KIF15: variants seen among roughly 807,000 people sequenced by gnomAD.
KIF15 encodes kinesin family member 15.
Under a neutral mutation model 190.6 loss-of-function variants are expected in KIF15, and 140 were observed. The observed-to-expected ratio is 0.73, with a 90% confidence interval of 0.64 to 0.84. The LOEUF (loss-of-function observed/expected upper bound fraction) is 0.84. Among genes scored for constraint, KIF15 ranks in the 40% least tolerant of loss-of-function variants. The pLI, the probability that KIF15 is intolerant of heterozygous loss-of-function variation, is 0.00. For missense variants in KIF15, 1,372 were observed against 1,584.4 expected (o/e 0.87, Z 2.28); for synonymous variants, 528 against 551.3 (o/e 0.96, Z 0.59).
At chr3:44,806,027 A>T in intron 16 of KIF15, 41 bp downstream of exon 16, 2 of 1,588,574 alleles carry the variant, frequency 1.3e-6, no homozygotes, top group Non-Finnish European at 1.7e-6. Context: ...AATCAGTGCA[A>T]TGTCATTTTA....
chr3:44,805,180 A>C lies in KIF15; in HGVS notation c.1829+12A>C. ...AAAGAACTTACTAGGTAAAGTCTAAATACACATGCATGCACACTTATTTTC... is the reference window on the plus strand; with the variant it reads ...AAAGAACTTACTAGGTAAAGTCTAACTACACATGCATGCACACTTATTTTC... On this transcript the variant is annotated intron_variant, in intron 15 of 34. Transcript: ENST00000326047. 9.3e-6 allele frequency: 15 copies of C among 1,604,552 alleles called. No individual in the cohort carries two copies. The highest frequency in any genetic ancestry group is 1.3e-5 in the Non-Finnish European group (15 of 1,175,942).
At chr3:44,866,258 G>C (rs982838385) in intron 6 of KIF15, among the ~76,000 whole-genome samples, 1 of 151,876 alleles carries the variant, frequency 6.6e-6, no homozygotes, top group African/African-American at 2.4e-5. Context: ...ATTTTTAGTA[G>C]AGATGGGGTT....
At position 44,780,923 on chromosome 3, in the gene KIF15, G is replaced by A; in HGVS notation, c.361+1G>A. ...TCAGGGAAGACATTTACTATGATGGGTAAGTAAAGATTAACTTTTGTTGGC... is the reference window on the plus strand; with the variant it reads ...TCAGGGAAGACATTTACTATGATGGATAAGTAAAGATTAACTTTTGTTGGC... On this transcript the variant is annotated splice_donor_variant, in intron 5 of 34. Transcript: ENST00000326047. LOFTEE classifies it high-confidence loss of function. The A allele has an allele frequency of 1.9e-6, 3 of 1,596,338 alleles. No homozygotes were observed. Among genetic ancestry groups the A allele is most frequent in the Non-Finnish European group, 2.6e-6 (3 of 1,166,936 alleles).
chr3:44,862,964 G>A (rs1222186776), intron 6 of KIF15: 1 of 152,218 alleles, frequency 6.6e-6, no homozygotes, highest in Middle Eastern at 3.4e-3. Context: ...GAAGTTTGTT[G>A]TCAGGAACTA....
Position 44,812,192 on chromosome 3 carries a change from G to T in KIF15, c.2180G>T (p.Ser727Ile), listed in dbSNP as rs1273546091. Reference sequence around the variant, plus strand: ...GTTTTTGTGTTGCAGGAACAAATGAGTGCTCTTCAAGCCAAACTGGATGAA... The same window carrying T: ...GTTTTTGTGTTGCAGGAACAAATGATTGCTCTTCAAGCCAAACTGGATGAA... ...EELRTVQEQM[S>I]ALQAKLDEEE... The change falls in exon 18 of 35, where the codon AGT (serine) becomes ATT (isoleucine). Residue 727 changes from serine to isoleucine, a missense_variant. Transcript: ENST00000326047. The T allele has an allele frequency of 3.1e-6, 5 of 1,611,684 alleles. No individual in the cohort carries two copies. The East Asian group carries it at 1.1e-4, about 36-fold the overall frequency.
At chr3:44,766,405 C>G (rs1705376440) in intron 1 of KIF15, among the ~76,000 whole-genome samples, 1 of 152,122 alleles carries the variant, frequency 6.6e-6, no homozygotes, top group African/African-American at 2.4e-5. Flanking sequence ...TGAGTTGGGG[C>G]AAGGGTGATC....
Position 44,780,867 on chromosome 3 carries a change from G to A in KIF15, c.324-18G>A, listed in dbSNP as rs750128742. On this transcript the variant is annotated intron_variant, in intron 4 of 34. Coordinates refer to ENST00000326047, the MANE Select transcript of KIF15 (RefSeq NM_020242.3). The stretch of plus-strand genomic sequence containing the variant: ...TTAATTTTATGTGTAAAAATAATAT[G>A]TAAAACATTTTTTACAGTGGACAGA... 6.5e-7 allele frequency: 1 copy of A among 1,546,952 alleles called. No homozygotes were observed. Among genetic ancestry groups the A allele is most frequent in the South Asian group, 1.2e-5 (1 of 85,382 alleles).
At chr3:44,788,062 A>C (rs1048909261) in intron 7 of KIF15, among the ~76,000 whole-genome samples, 4 of 152,178 alleles carry the variant, frequency 2.6e-5, no homozygotes, top group African/African-American at 4.8e-5. Context: ...CATGTTGCCC[A>C]GGCTGGTCTT....
downstream of KIF15, among the ~76,000 whole-genome samples, chr3:44,853,684 A>G (rs983509293): frequency 6.6e-6 from 1 of 152,142 alleles, no homozygotes; most frequent in Middle Eastern, 3.2e-3. Flanking sequence ...GTGTATTCCA[A>G]TTTCTCCACA....
At chr3:44,817,738 A>G (rs551063392) in intron 20 of KIF15, among the ~76,000 whole-genome samples, 2 of 152,036 alleles carry the variant, frequency 1.3e-5, no homozygotes, top group Non-Finnish European at 2.9e-5. Flanking sequence ...TTTTTTGGTT[A>G]CATATGAACT....
At chr3:44,828,413 A>G (rs2125692485) in intron 24 of KIF15, 113 bp downstream of exon 24, 1 of 674,938 alleles carries the variant, frequency 1.5e-6, no homozygotes, top group Non-Finnish European at 2.6e-6. Context: ...GATAATATGA[A>G]TATTTCTATA....
rs570613600 is a variant in KIF15, at chr3:44,850,620, G to A, written c.3807-1167G>A. 2.5e-4 allele frequency among the ~76,000 whole-genome samples: 38 copies of A among 152,218 alleles called. No homozygotes were observed. In the East Asian group the frequency reaches 7.2e-3, roughly 29 times the overall value. ...CTACAACAGCAATTTTAAACGTTACGTTACCCATATATTTGTGAAGATGCT... is the reference window on the plus strand; with the variant it reads ...CTACAACAGCAATTTTAAACGTTACATTACCCATATATTTGTGAAGATGCT... On this transcript the variant is annotated intron_variant, in intron 32 of 34. Coordinates refer to ENST00000326047, the MANE Select transcript of KIF15 (RefSeq NM_020242.3).
chr3:44,819,177 G>T (rs181516586), intron 20 of KIF15, among the ~76,000 whole-genome samples: 552 of 151,880 alleles, frequency 3.6e-3, no homozygotes, highest in African/African-American at 0.013. Flanking sequence ...CAATTTTGTT[G>T]ATCTTTTCAA....
chr3:44,855,649 T>C (rs1470877808), downstream of KIF15, among the ~76,000 whole-genome samples: 1 of 152,102 alleles, frequency 6.6e-6, no homozygotes, highest in Non-Finnish European at 1.5e-5. Context: ...AGAGATTCAA[T>C]TGAAGAAAGA....
chr3:44,767,229 GGTT>G (rs2125891789), intron 1 of KIF15, among the ~76,000 whole-genome samples: 1 of 152,280 alleles, frequency 6.6e-6, no homozygotes, highest in African/African-American at 2.4e-5. Context: ...CTGCCCGCTA[GGTT>G]GAGAAAAGAT....
At chr3:44,839,701 C>T (rs746659960) in intron 27 of KIF15, among the ~76,000 whole-genome samples, 2 of 152,172 alleles carry the variant, frequency 1.3e-5, no homozygotes, top group Non-Finnish European at 2.9e-5. Context: ...CCCCTCACTT[C>T]CCCCAGACTC....
Position 44,838,330 on chromosome 3 carries a change from C to A in KIF15, c.3227C>A (p.Thr1076Lys), listed in dbSNP as rs1179160254. ...AHATEQLNML[T>K]EASKKHSGLL... is the part of the protein sequence containing the mutation. Reference sequence around the variant, plus strand: ...GCCACTGAGCAGCTGAACATGCTCACAGAGGCCTCAAAAAAACACTCGGGG... The same window carrying A: ...GCCACTGAGCAGCTGAACATGCTCAAAGAGGCCTCAAAAAAACACTCGGGG... Residue 1076 changes from threonine (T) to lysine (K), a missense_variant, in exon 27 of 35, where the codon ACA (threonine) becomes AAA (lysine). Thr to Lys is a moderately conservative substitution (Grantham distance 78). Transcript: ENST00000326047. 6.2e-7 allele frequency: 1 copy of A among 1,613,936 alleles called. No homozygotes were observed. The highest frequency in any genetic ancestry group is 8.5e-7 in the Non-Finnish European group (1 of 1,179,990).
In KIF15 at chr3:44,829,657, AT is replaced by A. The variant is rs569551683; in HGVS notation, c.2944-312del. On this transcript the variant is annotated intron_variant, in intron 24 of 34. Transcript: ENST00000326047. ...ATATGTATATATTATATATGTATATATTATGTATATATAATATATGTATATA... is the reference window on the plus strand; with the variant it reads ...ATATGTATATATTATATATGTATATATATGTATATATAATATATGTATATA... Among the ~76,000 whole-genome samples, 207 of 113,748 alleles carry A rather than the reference AT, an allele frequency of 1.8e-3. 9 individuals carry two copies. The highest frequency in any genetic ancestry group is 5.4e-3 in the African/African-American group (155 of 28,926). 74.6% of individuals were successfully genotyped at this position (113,748 alleles called of 152,430 possible). A position where few individuals can be genotyped will look rare whatever the true frequency, so the allele number is the denominator to read the frequency against.
intron 11 of KIF15, 106 bp downstream of exon 11, chr3:44,800,543 C>T (rs1302584276): frequency 2.5e-6 from 3 of 1,204,484 alleles, no homozygotes; most frequent in South Asian, 1.5e-5. Context: ...AATTTTTCTG[C>T]AGGTATCTCT....
Sources: allele counts gnomAD v4.1 joint callset (sites outside exome capture counted in the v4.1 genomes callset), GRCh38; gene constraint gnomAD v4.1.1; transcripts MANE v1.5; gene names NCBI Gene and HGNC (gene_info 2026-07-23, HGNC 2026-07-21).